The following FSTL4 variants were observed in gnomAD, a reference collection of about 807,000 sequenced individuals.
FSTL4 encodes the protein follistatin like 4.
A neutral mutation model predicts 78.2 loss-of-function variants in FSTL4; 28 were observed. The ratio of observed to expected loss-of-function variants is 0.36; its 90% confidence interval spans 0.27 to 0.49. The LOEUF (loss-of-function observed/expected upper bound fraction) is 0.49, where lower values mean the gene tolerates loss of function less well. Among genes scored for constraint, FSTL4 ranks in the 20% least tolerant of loss-of-function variants. The pLI is 0.98. For missense variants in FSTL4, 922 were observed against 1,084.9 expected (o/e 0.85, Z 2.11); for synonymous variants, 422 against 440.5 (o/e 0.96, Z 0.53).
At chr5:133,243,792 A>C (rs1581563643) in intron 7 of FSTL4, 1 of 152,344 alleles carries the variant, frequency 6.6e-6, no homozygotes, top group East Asian at 1.9e-4. Flanking sequence ...TCAACCCAAC[A>C]GCCATTACCT....
chr5:133,671,893 A>G, the FSTL4 span, among the ~76,000 whole-genome samples: 1 of 152,258 alleles, frequency 6.6e-6, no homozygotes, highest in African/African-American at 2.4e-5. Context: ...TGTGGGGGCT[A>G]AGAACGTAAA....
chr5:133,535,999 C>CT (rs2112913610), intron 3 of FSTL4, among the ~76,000 whole-genome samples: 1 of 152,254 alleles, frequency 6.6e-6, no homozygotes, highest in South Asian at 2.1e-4. Flanking sequence ...GTTCATCTTT[C>CT]TTTCGCTATC....
intron 4 of FSTL4, among the ~76,000 whole-genome samples, chr5:133,317,383 G>A (rs941880845): frequency 1.5e-4 from 23 of 152,160 alleles, no homozygotes; most frequent in African/African-American, 5.3e-4. Context: ...GCAGGGCAAC[G>A]CCCATACACT....
the FSTL4 span, among the ~76,000 whole-genome samples, chr5:133,801,392 A>G: frequency 6.6e-6 from 1 of 152,086 alleles, no homozygotes; most frequent in Non-Finnish European, 1.5e-5. Flanking sequence ...AAGCCTTGCC[A>G]TCACCCTTCA....
At chr5:133,358,644 G>C (rs912062182) in intron 4 of FSTL4, among the ~76,000 whole-genome samples, 1 of 143,990 alleles carries the variant, frequency 6.9e-6, no homozygotes, top group Non-Finnish European at 1.5e-5. Context: ...CGCCCAGGCT[G>C]GATGGAGTGC....
intron 3 of FSTL4, among the ~76,000 whole-genome samples, chr5:133,453,903 G>A (rs994074174): frequency 1.3e-5 from 2 of 152,196 alleles, no homozygotes; most frequent in Admixed American, 1.3e-4. Flanking sequence ...CCTAAGAAGT[G>A]GAAACAACTA....
chr5:133,563,129 G>A (rs374105737), intron 3 of FSTL4, among the ~76,000 whole-genome samples: 16 of 152,256 alleles, frequency 1.1e-4, no homozygotes, highest in Admixed American at 6.5e-4. Context: ...AGGGTCATAC[G>A]GAACTGTCCT....
chr5:133,395,497 GCGGGT>G (rs1756003643), intron 4 of FSTL4, among the ~76,000 whole-genome samples: 2 of 152,216 alleles, frequency 1.3e-5, no homozygotes, highest in African/African-American at 4.8e-5. Context: ...CACTCACCGC[GCGGGT>G]CCGCGGCTTC....
intron 14 of FSTL4, chr5:133,208,297 T>C (rs749299594): frequency 6.6e-5 from 10 of 152,198 alleles, no homozygotes; most frequent in Non-Finnish European, 1.5e-4. Context: ...ATAGAACCCT[T>C]GGAGCGTGTA....
At chr5:133,396,269 T>G (rs1171545892) in intron 4 of FSTL4, among the ~76,000 whole-genome samples, 1 of 152,220 alleles carries the variant, frequency 6.6e-6, no homozygotes, top group African/African-American at 2.4e-5. Flanking sequence ...GCTCACTGCA[T>G]GCCAGGTGCT....
intron 6 of FSTL4, among the ~76,000 whole-genome samples, chr5:133,311,901 C>T (rs558684876): frequency 4.6e-5 from 7 of 152,308 alleles, no homozygotes; most frequent in Admixed American, 2.6e-4. Context: ...TAGTCTCCAG[C>T]GTGGGCCCAG....
chr5:133,745,149 T>A, the FSTL4 span, among the ~76,000 whole-genome samples: 3 of 152,224 alleles, frequency 2.0e-5, no homozygotes, highest in Non-Finnish European at 4.4e-5. Flanking sequence ...TGCTAGCCCA[T>A]CCTGCCATGA....
the FSTL4 span, among the ~76,000 whole-genome samples, chr5:133,772,478 G>C: frequency 6.6e-6 from 1 of 152,260 alleles, no homozygotes; most frequent in African/African-American, 2.4e-5. Flanking sequence ...GTCTCCAACT[G>C]TCTTAGTCCA....
chr5:133,679,160 AT>A, the FSTL4 span, among the ~76,000 whole-genome samples: 6 of 152,020 alleles, frequency 3.9e-5, no homozygotes, highest in African/African-American at 1.4e-4. Context: ...TGCATGCAAC[AT>A]TTCTGCCCAG....
rs146288383 is a variant in FSTL4, at chr5:133,336,537, A to G, written c.410-19885T>C. ...CTGTGTGAATGCTCTTCTGTTAAGG[A>G]GGGTGAGAAAAGGATGGTACGGATT... On this transcript the variant is annotated intron_variant, in intron 4 of 15. Coordinates refer to ENST00000265342, the MANE Select transcript of FSTL4 (RefSeq NM_015082.2). 5.5e-3 allele frequency among the ~76,000 whole-genome samples: 845 copies of G among 152,262 alleles called. 5 individuals carry two copies. The highest frequency in any genetic ancestry group is 0.019 in the African/African-American group (808 of 41,532).
intron 3 of FSTL4, among the ~76,000 whole-genome samples, chr5:133,507,151 T>A (rs545990729): frequency 2.6e-5 from 4 of 152,286 alleles, no homozygotes; most frequent in South Asian, 2.1e-4. Flanking sequence ...GAGATTGCAG[T>A]GAGCCGAGAT....
intron 4 of FSTL4, among the ~76,000 whole-genome samples, chr5:133,381,792 G>A (rs2126953510): frequency 6.6e-6 from 1 of 152,342 alleles, no homozygotes; most frequent in African/African-American, 2.4e-5. Context: ...CGTGGACACA[G>A]CTATGTGCAG....
At chr5:133,427,835 A>G (rs1756857251) in intron 3 of FSTL4, 6 of 382,552 alleles carry the variant, frequency 1.6e-5, no homozygotes, top group South Asian at 1.4e-4. Context: ...ATGTGGCTCC[A>G]GAGAAGTGTG....
At chr5:133,774,980 G>C in the FSTL4 span, among the ~76,000 whole-genome samples, 96 of 135,876 alleles carry the variant, frequency 7.1e-4, no homozygotes, top group South Asian at 0.023. Context: ...CTTCTAAAAT[G>C]ACAAAAAAAA....
Sources: gnomAD v4.1 joint callset for allele counts (sites outside exome capture counted in the v4.1 genomes callset) on GRCh38, gnomAD v4.1.1 for gene constraint, MANE v1.5 for transcripts, NCBI Gene and HGNC (gene_info 2026-07-23, HGNC 2026-07-21) for gene names.